The following BMPER variants were observed in gnomAD, a reference collection of about 807,000 sequenced individuals.
BMPER encodes BMP-binding endothelial regulator protein.
BMPER carries 45 observed loss-of-function variants against 87.3 expected under a neutral mutation model. The ratio of observed to expected loss-of-function variants is 0.52; its 90% CI spans 0.41 to 0.66. The LOEUF (loss-of-function observed/expected upper bound fraction) is 0.66, where lower values mean the gene tolerates loss of function less well. Ranked by LOEUF, BMPER falls within the 30% of genes least tolerant of loss-of-function variation. The pLI, the probability that BMPER is intolerant of heterozygous loss-of-function variation, is 0.00. For synonymous variants in BMPER, 326 were observed against 316.2 expected, an observed-to-expected ratio of 1.03 and a Z score of -0.33; for missense variants, 784 against 867.5, an observed-to-expected ratio of 0.90 and a Z score of 1.21.
At chr7:33,926,375 C>A (rs1234344041) in intron 2 of BMPER, among the ~76,000 whole-genome samples, 1 of 152,140 alleles carries the variant, frequency 6.6e-6, no homozygotes, top group African/African-American at 2.4e-5. Context: ...TGTGATGGAA[C>A]CCTTGTTAAA....
chr7:33,947,898 G>C (rs1784925550), intron 3 of BMPER, among the ~76,000 whole-genome samples: 1 of 152,098 alleles, frequency 6.6e-6, no homozygotes, highest in Non-Finnish European at 1.5e-5. Context: ...GAGGGAGCCA[G>C]CTACTTACCA....
At chr7:34,043,755 G>A (rs1787890387) in intron 6 of BMPER, among the ~76,000 whole-genome samples, 1 of 152,154 alleles carries the variant, frequency 6.6e-6, no homozygotes, top group South Asian at 2.1e-4. Flanking sequence ...ATGGATAGAT[G>A]CTGGAAAGAA....
upstream of BMPER, chr7:33,905,244 G>C (rs1043562291): frequency 1.2e-5 from 4 of 335,788 alleles, no homozygotes; most frequent in African/African-American, 4.4e-5. Flanking sequence ...GTGCGCAGTC[G>C]GCAGCGCCGC....
intron 2 of BMPER, among the ~76,000 whole-genome samples, chr7:33,926,267 A>G (rs748285341): frequency 2.5e-4 from 38 of 152,314 alleles, no homozygotes; most frequent in Middle Eastern, 3.4e-3. Flanking sequence ...GAAAAACCCA[A>G]GTTTATAGCC....
intron 13 of BMPER, among the ~76,000 whole-genome samples, chr7:34,107,439 T>C (rs998057402): frequency 1.5e-4 from 23 of 152,230 alleles, no homozygotes; most frequent in African/African-American, 5.5e-4. Flanking sequence ...TCTCAGATTT[T>C]TTAATTTCTG....
chr7:33,976,139 A>G (rs987589089), intron 6 of BMPER, among the ~76,000 whole-genome samples: 7 of 151,984 alleles, frequency 4.6e-5, no homozygotes, highest in African/African-American at 1.7e-4. Context: ...AATTATGACT[A>G]AATAGCTTTA....
chr7:34,079,271 G>T, intron 12 of BMPER, 85 bp downstream of exon 12: 1 of 1,561,828 alleles, frequency 6.4e-7, no homozygotes, highest in Non-Finnish European at 8.8e-7. Context: ...GCACTCAGGA[G>T]ATGTGGTTCC....
intron 11 of BMPER, among the ~76,000 whole-genome samples, chr7:34,063,075 A>G (rs1319027994): frequency 6.6e-6 from 1 of 152,230 alleles, no homozygotes; most frequent in East Asian, 1.9e-4. Context: ...CCTGAAATTC[A>G]TATGGTTTTG....
intron 6 of BMPER, among the ~76,000 whole-genome samples, chr7:34,010,373 A>G (rs1045243339): frequency 6.6e-6 from 1 of 151,962 alleles, no homozygotes; most frequent in Admixed American, 6.6e-5. Context: ...TTAACTTATT[A>G]ATTTAGTTAT....
At position 34,117,791 on chromosome 7, in the gene BMPER, G is replaced by A. The variant is rs201584965; in HGVS notation, c.1746-25439G>A. Among the ~76,000 whole-genome samples the A allele has an allele frequency of 2.0e-5, 3 of 152,274 alleles. No homozygotes were observed. In the East Asian group the frequency reaches 5.8e-4, roughly 29 times the overall value. On this transcript the variant is annotated intron_variant, in intron 13 of 14. Transcript: ENST00000649409. ...GTTCTGCCAATTTGGCATCAGAGAGGTTGCTGTTAGGCCAGTTAAAAAGAC... is the reference window on the plus strand; with the variant it reads ...GTTCTGCCAATTTGGCATCAGAGAGATTGCTGTTAGGCCAGTTAAAAAGAC...
chr7:33,947,785 G>A (rs752283607), intron 3 of BMPER, among the ~76,000 whole-genome samples: 7 of 152,182 alleles, frequency 4.6e-5, no homozygotes, highest in Middle Eastern at 3.4e-3. Context: ...GTTGCCTTTT[G>A]TATAGTATAA....
chr7:33,992,333 A>C (rs1786246339), intron 6 of BMPER, among the ~76,000 whole-genome samples: 1 of 137,786 alleles, frequency 7.3e-6, no homozygotes, highest in African/African-American at 2.8e-5. Context: ...TAGGATAGTT[A>C]GCTCTTCTTG....
At chr7:33,927,165 T>A (rs1784379122) in intron 2 of BMPER, among the ~76,000 whole-genome samples, 1 of 152,222 alleles carries the variant, frequency 6.6e-6, no homozygotes, top group Admixed American at 6.5e-5. Context: ...GGATGTCAGC[T>A]CCATTTACTT....
chr7:33,953,828 G>A (rs1311947034), intron 3 of BMPER, among the ~76,000 whole-genome samples: 2 of 152,100 alleles, frequency 1.3e-5, no homozygotes, highest in African/African-American at 4.8e-5. Flanking sequence ...GCCCTTGGTA[G>A]CCTGCATTCC....
intron 13 of BMPER, among the ~76,000 whole-genome samples, chr7:34,111,011 A>G (rs1239965431): frequency 6.6e-6 from 1 of 152,220 alleles, no homozygotes; most frequent in Non-Finnish European, 1.5e-5. Context: ...TTTTCTTTTA[A>G]GTTCAATGGC....
At chr7:34,149,982 GC>G (rs1791131091) in intron 14 of BMPER, among the ~76,000 whole-genome samples, 1 of 152,134 alleles carries the variant, frequency 6.6e-6, no homozygotes, top group Non-Finnish European at 1.5e-5. Flanking sequence ...AGATTAATTT[GC>G]TATGACAAAG....
intron 6 of BMPER, among the ~76,000 whole-genome samples, chr7:33,980,682 G>C (rs1156711875): frequency 6.6e-6 from 1 of 152,202 alleles, no homozygotes; most frequent in Non-Finnish European, 1.5e-5. Flanking sequence ...CAGAGTGGTA[G>C]GATGCTTTTA....
chr7:34,153,545 G>A lies in BMPER; in HGVS notation c.*272G>A. 1 of 379,516 alleles carries A rather than the reference G, an allele frequency of 2.6e-6. No homozygotes were observed. Among genetic ancestry groups the A allele is most frequent in the Non-Finnish European group, 4.9e-6 (1 of 206,060 alleles). The allele number at this position is 379,516 out of a possible 1,614,324, so 23.5% of individuals were successfully genotyped here. ...TTGAACATGTTGTATAAATACACCA[G>A]GTGTTTTTAATTTAATAAGGTGGCA... On this transcript the variant is annotated 3_prime_UTR_variant, in exon 15 of 15. Transcript: ENST00000649409.
At chr7:33,937,432 G>C (rs1784632424) in intron 3 of BMPER, 44 bp downstream of exon 3, 2 of 1,585,238 alleles carry the variant, frequency 1.3e-6, no homozygotes, top group Non-Finnish European at 1.7e-6. Context: ...TGCTGCTTCA[G>C]GCATTTTTAT....
Sources: allele counts gnomAD v4.1 joint callset (sites outside exome capture counted in the v4.1 genomes callset), GRCh38; gene constraint gnomAD v4.1.1; transcripts MANE v1.5; gene names NCBI Gene and HGNC (gene_info 2026-07-23, HGNC 2026-07-21).